DLGAP4: variants seen among roughly 807,000 people sequenced by gnomAD.
DLGAP4 encodes the protein DLG associated protein 4.
In DLGAP4, 18 loss-of-function variants were observed where a neutral mutation model predicts 86.9. The ratio of observed to expected loss-of-function variants is 0.21; its 90% CI spans 0.14 to 0.31. DLGAP4 has a LOEUF of 0.31. Among genes scored for constraint, DLGAP4 ranks in the 10% least tolerant of loss-of-function variants. The probability of loss-of-function intolerance (pLI) is 1.00; values close to 1 mark genes in which losing one functional copy is unlikely to be tolerated. For synonymous variants in DLGAP4, 548 were observed against 574.3 expected (o/e 0.95, Z 0.65); for missense variants, 1,085 against 1,362.6 (o/e 0.80, Z 3.21).
At chr20:36,313,601 T>C (rs2065071419) in intron 1 of DLGAP4, among the ~76,000 whole-genome samples, 1 of 151,756 alleles carries the variant, frequency 6.6e-6, no homozygotes, top group Non-Finnish European at 1.5e-5. Flanking sequence ...CTTGGCCTGC[T>C]GCTGGGGGGG....
intron 2 of DLGAP4, among the ~76,000 whole-genome samples, chr20:36,418,056 A>G (rs1797507521): frequency 1.3e-5 from 2 of 151,098 alleles, no homozygotes; most frequent in South Asian, 4.2e-4. Context: ...AAGTGCTGGG[A>G]TTATAGGCGT....
chr20:36,399,434 T>C (rs966664713), intron 2 of DLGAP4, among the ~76,000 whole-genome samples: 23 of 152,312 alleles, frequency 1.5e-4, no homozygotes, highest in Admixed American at 4.6e-4. Flanking sequence ...AATAAGATCA[T>C]GCCTGCTTTG....
intron 3 of DLGAP4, among the ~76,000 whole-genome samples, chr20:36,435,081 G>C (rs1363222669): frequency 6.7e-6 from 1 of 148,930 alleles, no homozygotes; most frequent in African/African-American, 2.6e-5. Flanking sequence ...ATACTTGTGG[G>C]GGGGGGTTGC....
At chr20:36,467,053 T>TCTCTCG (rs2034431548) in intron 7 of DLGAP4, among the ~76,000 whole-genome samples, 1 of 120,840 alleles carries the variant, frequency 8.3e-6, no homozygotes. Flanking sequence ...TCTCTCTCTC[T>TCTCTCG]CTCTCTCTCT....
rs1454609056 is a variant in DLGAP4 at position 36,306,728 on chromosome 20, G to T, written c.-304+216G>T. Among the ~76,000 whole-genome samples the T allele has an allele frequency of 6.6e-6, 1 of 152,136 alleles. No individual in the cohort carries two copies. Among genetic ancestry groups the T allele is most frequent in the Non-Finnish European group, 1.5e-5 (1 of 68,016 alleles). On this transcript the variant is annotated intron_variant, in intron 1 of 12. Transcript: ENST00000339266. The surrounding 1 kb of genome is among the most constrained non-coding windows in gnomAD (Gnocchi z 4.9). The stretch of plus-strand genomic sequence containing the variant: ...GTGCGGCTGGGAAGCGCCTTCTCCG[G>T]TTGGGATCGCCCCATCCATGTCTCC...
chr20:36,353,356 C>T (rs1555893595), intron 1 of DLGAP4, among the ~76,000 whole-genome samples: 1 of 152,206 alleles, frequency 6.6e-6, no homozygotes, highest in Non-Finnish European at 1.5e-5. Context: ...GTGACCTCAG[C>T]TGTCCCTGAA....
intron 7 of DLGAP4, among the ~76,000 whole-genome samples, chr20:36,482,133 C>G (rs576914368): frequency 1.3e-5 from 2 of 152,138 alleles, no homozygotes; most frequent in Admixed American, 1.3e-4. Flanking sequence ...TCTAGGCTGC[C>G]GAGGGATCTT....
rs912121428 is a variant in DLGAP4 at position 36,527,687 on chromosome 20, C to T, written c.*656C>T. ...GGAGGCGCCTCACTGGGAGGTGCCC[C>T]GCCAGCCCTGGGCAGTGTCAGGCAG... On this transcript the variant is annotated 3_prime_UTR_variant, in exon 13 of 13. Coordinates refer to ENST00000339266, the MANE Select transcript of DLGAP4 (RefSeq NM_001365621.2). 6 of 152,826 alleles carry T rather than the reference C, an allele frequency of 3.9e-5. No individual in the cohort carries two copies. Among genetic ancestry groups the T allele is most frequent in the African/African-American group, 4.8e-5 (2 of 41,548 alleles). The allele number at this position is 152,826 out of a possible 1,614,324, so 9.5% of individuals were successfully genotyped here.
At chr20:36,379,591 G>A (rs918915883) in intron 2 of DLGAP4, among the ~76,000 whole-genome samples, 1 of 152,182 alleles carries the variant, frequency 6.6e-6, no homozygotes, top group African/African-American at 2.4e-5. Context: ...AGACCTCAGG[G>A]TAGTCAGGAA....
chr20:36,360,593 G>A (rs1024079692), intron 1 of DLGAP4, among the ~76,000 whole-genome samples: 1 of 152,088 alleles, frequency 6.6e-6, no homozygotes, highest in Non-Finnish European at 1.5e-5. Context: ...ATGGCGAATT[G>A]TGGGTGGCGG....
chr20:36,313,804 T>C (rs1347262498), intron 1 of DLGAP4, among the ~76,000 whole-genome samples: 3 of 152,120 alleles, frequency 2.0e-5, no homozygotes, highest in Non-Finnish European at 2.9e-5. Flanking sequence ...GTGTGATTCA[T>C]GCACCCAGGT....
In DLGAP4 at chr20:36,393,560, C is replaced by A. The variant is rs532382931; in HGVS notation, c.-73+26285C>A. On this transcript the variant is annotated intron_variant, in intron 2 of 12. Transcript: ENST00000339266. This position sits in a 1 kb window ranked among gnomAD's most constrained non-coding sequence, Gnocchi z 4.4. ...TCCCCTGAGGTCTCCACACCGAGCCCCTGGGGAGCACAGGGAAGCGAGCCA... is the reference window on the plus strand; with the variant it reads ...TCCCCTGAGGTCTCCACACCGAGCCACTGGGGAGCACAGGGAAGCGAGCCA... 6.6e-6 allele frequency among the ~76,000 whole-genome samples: 1 copy of A among 152,218 alleles called. No individual in the cohort carries two copies. The highest frequency in any genetic ancestry group is 2.4e-5 in the African/African-American group (1 of 41,512).
intron 1 of DLGAP4, among the ~76,000 whole-genome samples, chr20:36,361,506 G>A (rs551157739): frequency 2.6e-5 from 4 of 152,264 alleles, no homozygotes; most frequent in Non-Finnish European, 5.9e-5. Flanking sequence ...TTCCACATGC[G>A]TTTTGAAAAG....
chr20:36,318,916 C>T (rs537805305), intron 1 of DLGAP4, among the ~76,000 whole-genome samples: 2 of 152,140 alleles, frequency 1.3e-5, no homozygotes, highest in South Asian at 2.1e-4. Flanking sequence ...GAGGCCAAGG[C>T]GGGAGGATCA....
chr20:36,380,227 C>T lies in DLGAP4; in HGVS notation c.-73+12952C>T, dbSNP rs2031320496. On this transcript the variant is annotated intron_variant, in intron 2 of 12. Transcript: ENST00000339266. ...ACCAGCCTGGGCAACATGGCAAAACCCCACCTCTACAAAAAATACAAAAAA... is the reference window on the plus strand; with the variant it reads ...ACCAGCCTGGGCAACATGGCAAAACTCCACCTCTACAAAAAATACAAAAAA... 2.0e-5 allele frequency among the ~76,000 whole-genome samples: 3 copies of T among 150,612 alleles called. No homozygotes were observed. In the South Asian group the frequency reaches 6.3e-4, roughly 32 times the overall value.
intron 7 of DLGAP4, among the ~76,000 whole-genome samples, chr20:36,454,244 G>A (rs1156354463): frequency 1.4e-5 from 2 of 139,992 alleles, no homozygotes; most frequent in African/African-American, 5.2e-5. Context: ...GGGCGACAGA[G>A]CGAGACTCTG....
intron 7 of DLGAP4, among the ~76,000 whole-genome samples, chr20:36,467,059 TCTCTC>T (rs1166021966): frequency 4.2e-4 from 25 of 59,958 alleles, no homozygotes; most frequent in African/African-American, 1.2e-3. Context: ...TCTCTCTCTC[TCTCTC>T]CCCCCCCCTT....
chr20:36,440,460 C>T (rs2033415679), intron 5 of DLGAP4, among the ~76,000 whole-genome samples: 1 of 152,186 alleles, frequency 6.6e-6, no homozygotes. Context: ...CCAGCCCTGC[C>T]TGTGTCAGTG....
chr20:36,511,741 C>T (rs960595936), intron 10 of DLGAP4, among the ~76,000 whole-genome samples: 8 of 151,332 alleles, frequency 5.3e-5, no homozygotes, highest in African/African-American at 1.5e-4. Flanking sequence ...TGGGTGTCAT[C>T]GTGGGCACCT....
Sources: gnomAD v4.1 joint callset for allele counts (sites outside exome capture counted in the v4.1 genomes callset) on GRCh38, gnomAD v4.1.1 for gene constraint, Gnocchi (gnomAD v3.1) non-coding constraint, MANE v1.5 for transcripts, NCBI Gene and HGNC (gene_info 2026-07-23, HGNC 2026-07-21) for gene names.